RAB3GAP1: variants seen among roughly 807,000 people sequenced by gnomAD.
RAB3GAP1 encodes rab3 GTPase-activating protein catalytic subunit.
In RAB3GAP1, 86 loss-of-function variants were observed where a neutral mutation model predicts 130.7. The observed-to-expected ratio is 0.66, with a 90% CI of 0.55 to 0.79. The LOEUF (loss-of-function observed/expected upper bound fraction) is 0.79. Among genes scored for constraint, RAB3GAP1 ranks in the 30% least tolerant of loss-of-function variants. The probability of loss-of-function intolerance (pLI) is 0.00; values close to 1 mark genes in which losing one functional copy is unlikely to be tolerated. For missense variants in RAB3GAP1, 1,029 were observed against 1,169.4 expected (o/e 0.88, Z 1.75); for synonymous variants, 367 against 401.7 (o/e 0.91, Z 1.03).
At chr2:135,067,307 A>C (rs1324803240) in intron 3 of RAB3GAP1, among the ~76,000 whole-genome samples, 2 of 152,244 alleles carry the variant, frequency 1.3e-5, no homozygotes, top group African/African-American at 4.8e-5. Flanking sequence ...AGTAAATAAA[A>C]ACAGAAGCAA....
intron 4 of RAB3GAP1, among the ~76,000 whole-genome samples, chr2:135,091,415 A>G (rs1690137615): frequency 6.6e-6 from 1 of 152,188 alleles, no homozygotes; most frequent in Non-Finnish European, 1.5e-5. Flanking sequence ...AACCATAATG[A>G]AAGTGATAAG....
At chr2:135,062,667 A>G (rs1689209388) in intron 3 of RAB3GAP1, among the ~76,000 whole-genome samples, 1 of 152,262 alleles carries the variant, frequency 6.6e-6, no homozygotes. Context: ...TGAACATGGC[A>G]CATCTCTCCA....
In RAB3GAP1 at chr2:135,117,429, TCTTCTTCTTCTTCTTCTTCTTCTTCTG is replaced by T. The variant is rs1482518751; in HGVS notation, c.648+2054_648+2080del. Among the ~76,000 whole-genome samples, 28 of 137,096 alleles carry T rather than the reference TCTTCTTCTTCTTCTTCTTCTTCTTCTG, an allele frequency of 2.0e-4. No homozygotes were observed. In the East Asian group the frequency reaches 2.2e-3, roughly 11 times the overall value. The allele number at this position is 137,096 out of a possible 152,430, so 89.9% of individuals were successfully genotyped here. On this transcript the variant is annotated intron_variant, in intron 7 of 23. Transcript: ENST00000264158. ...CTTTATTTCTTCTTCTTCTTCTTCT[TCTTCTTCTTCTTCTTCTTCTTCTTCTG>T]CTTCTGCTTCTGCTTCTGCTTCTTC...
Position 135,090,209 on chromosome 2 carries a change from A to G in RAB3GAP1, c.151-789A>G, listed in dbSNP as rs1010377668. ...GACACTTAAAATAAGATTTAATTTA[A>G]TTTAGAATTATAAATATCTTTCCAG... On this transcript the variant is annotated intron_variant, in intron 3 of 23. Transcript: ENST00000264158. 1.5e-4 allele frequency among the ~76,000 whole-genome samples: 23 copies of G among 152,344 alleles called. No homozygotes were observed. The East Asian group carries it at 4.0e-3, about 27-fold the overall frequency.
chr2:135,070,766 A>G (rs1283119799), intron 3 of RAB3GAP1, among the ~76,000 whole-genome samples: 1 of 152,178 alleles, frequency 6.6e-6, no homozygotes, highest in African/African-American at 2.4e-5. Context: ...TGCTAGGATT[A>G]CAAGCGTGAG....
At chr2:135,126,080 A>T in intron 9 of RAB3GAP1, 101 bp from the exon 10 acceptor site, 1 of 857,590 alleles carries the variant, frequency 1.2e-6, no homozygotes. Context: ...AAATAATGCC[A>T]CTGTAACATA....
chr2:135,142,344 GATAGAT>G lies in RAB3GAP1; in HGVS notation c.1923+6416_1923+6421del, dbSNP rs1268455369. ...GTTCATTTTCCAATTTTTTTCCCTT[GATAGAT>G]ATAAACAGTTGATTTTTATATATTG... On this transcript the variant is annotated intron_variant, in intron 17 of 23. Coordinates refer to ENST00000264158, the MANE Select transcript of RAB3GAP1 (RefSeq NM_012233.3). Among the ~76,000 whole-genome samples, 6 of 151,962 alleles carry G rather than the reference GATAGAT, an allele frequency of 3.9e-5. No individual in the cohort carries two copies. The East Asian group carries it at 5.8e-4, about 15-fold the overall frequency.
At chr2:135,106,072 C>A (rs952064893) in intron 5 of RAB3GAP1, among the ~76,000 whole-genome samples, 1 of 152,054 alleles carries the variant, frequency 6.6e-6, no homozygotes, top group African/African-American at 2.4e-5. Flanking sequence ...GCGTCTCGGC[C>A]CGGCAGCCGC....
Position 135,168,956 on chromosome 2 carries a change from C to T in RAB3GAP1, c.*175C>T, listed in dbSNP as rs1298350418. The T allele has an allele frequency of 2.2e-5, 10 of 454,738 alleles. No homozygotes were observed. Among genetic ancestry groups the T allele is most frequent in the South Asian group, 3.3e-5 (2 of 61,432 alleles). 28.2% of individuals were successfully genotyped at this position (454,738 alleles called of 1,614,324 possible). ...GCACCAAGCTTGAGCTGTGTCGTTT[C>T]GTGGAGGGGGCAGCGAGGATGGGCT... On this transcript the variant is annotated 3_prime_UTR_variant, in exon 24 of 24. Transcript: ENST00000264158.
chr2:135,172,126 T>C (rs897018203), downstream of RAB3GAP1, among the ~76,000 whole-genome samples: 2 of 152,100 alleles, frequency 1.3e-5, no homozygotes, highest in African/African-American at 2.4e-5. Context: ...TGTCATGATG[T>C]GACATTTAAA....
intron 5 of RAB3GAP1, among the ~76,000 whole-genome samples, chr2:135,112,634 C>G (rs950464716): frequency 2.6e-5 from 4 of 152,160 alleles, no homozygotes; most frequent in African/African-American, 9.7e-5. Flanking sequence ...CGTTCTCAGC[C>G]CAGCCATTCT....
At chr2:135,165,180 AT>A (rs906799408) in intron 23 of RAB3GAP1, 6 of 456,214 alleles carry the variant, frequency 1.3e-5, no homozygotes, top group African/African-American at 8.0e-5. Context: ...AAAACTTCAG[AT>A]TTTTAGGGCT....
intron 17 of RAB3GAP1, among the ~76,000 whole-genome samples, chr2:135,148,482 C>G (rs1253870667): frequency 6.9e-6 from 1 of 145,804 alleles, no homozygotes; most frequent in Non-Finnish European, 1.5e-5. Context: ...TGGAACCAAG[C>G]TAGTAATTCT....
rs1433394448 is a variant in RAB3GAP1, at chr2:135,081,354, ATATATATACACACACGTGTGTGTGTG to A, written c.151-9635_151-9610del. On this transcript the variant is annotated intron_variant, in intron 3 of 23. Coordinates refer to ENST00000264158, the MANE Select transcript of RAB3GAP1 (RefSeq NM_012233.3). ...TATATATATATATATATATATATAT[ATATATATACACACACGTGTGTGTGTG>A]TATATATATATGTATATATGTGTGT... 6.2e-4 allele frequency among the ~76,000 whole-genome samples: 56 copies of A among 90,996 alleles called. 1 individual carries two copies. The highest frequency in any genetic ancestry group is 2.2e-3 in the South Asian group (4 of 1,820). 59.7% of individuals were successfully genotyped at this position (90,996 alleles called of 152,430 possible).
chr2:135,133,641 T>C (rs1691606895), intron 14 of RAB3GAP1, among the ~76,000 whole-genome samples: 1 of 152,206 alleles, frequency 6.6e-6, no homozygotes. Context: ...TTTAGCTTCA[T>C]TAAACTATAG....
intron 7 of RAB3GAP1, among the ~76,000 whole-genome samples, chr2:135,117,809 TTTCTTCTTCTTTCTTCTTCTTCTTTC>T (rs1553445368): frequency 5.4e-5 from 6 of 110,322 alleles, no homozygotes; most frequent in African/African-American, 2.0e-4. Flanking sequence ...CTTCTTCTTC[TTTCTTCTTCTTTCTTCTTCTTCTTTC>T]TTCTTCTTCT....
intron 13 of RAB3GAP1, among the ~76,000 whole-genome samples, chr2:135,131,983 T>A (rs1349460813): frequency 6.6e-6 from 1 of 152,240 alleles, no homozygotes; most frequent in African/African-American, 2.4e-5. Context: ...AACAAAACTC[T>A]TAGCCAACTT....
intron 2 of RAB3GAP1, 136 bp downstream of exon 2, chr2:135,052,621 C>G (rs75467128): frequency 4.8e-6 from 5 of 1,037,520 alleles, no homozygotes; most frequent in Non-Finnish European, 7.3e-6. Flanking sequence ...GTCTCCTCCC[C>G]CAGTCTTCTT....
chr2:135,106,261 C>T (rs1406759579), intron 5 of RAB3GAP1, among the ~76,000 whole-genome samples: 1 of 152,186 alleles, frequency 6.6e-6, no homozygotes, highest in Non-Finnish European at 1.5e-5. Context: ...GAGGTGTACC[C>T]AACAGCTCAT....
Sources: allele counts gnomAD v4.1 joint callset (sites outside exome capture counted in the v4.1 genomes callset), GRCh38; gene constraint gnomAD v4.1.1; transcripts MANE v1.5; gene names NCBI Gene and HGNC (gene_info 2026-07-23, HGNC 2026-07-21).